The following MRPL3 variants were observed in gnomAD, a reference collection of about 807,000 sequenced individuals.
MRPL3 encodes the protein mitochondrial ribosomal protein L3.
MRPL3 carries 43 observed loss-of-function variants against 44.3 expected under a neutral mutation model. That is an observed-to-expected ratio of 0.97 (90% confidence interval 0.76 to 1.25). The LOEUF (loss-of-function observed/expected upper bound fraction) is 1.25. MRPL3 is among the 50% of genes most tolerant of loss of function. The probability of loss-of-function intolerance (pLI) is 0.00; values close to 1 mark genes in which losing one functional copy is unlikely to be tolerated. For synonymous variants in MRPL3, 171 were observed against 152.3 expected (o/e 1.12, Z -0.91); for missense variants, 406 against 427.6 (o/e 0.95, Z 0.45).
intron 6 of MRPL3, among the ~76,000 whole-genome samples, chr3:131,486,444 A>AAT (rs56680172): frequency 0.036 from 5,083 of 139,392 alleles, 228 homozygotes; most frequent in African/African-American, 0.11. Flanking sequence ...TGGGAGAAAA[A>AAT]TTTTTTTTTT....
At chr3:131,501,468 T>C in intron 2 of MRPL3, 63 bp downstream of exon 2, 2 of 1,296,920 alleles carry the variant, frequency 1.5e-6, no homozygotes, top group East Asian at 4.7e-5. Flanking sequence ...TCACTATGAT[T>C]TTAAATGTGT....
intron 5 of MRPL3, 137 bp from the exon 6 acceptor site, chr3:131,487,877 T>G (rs1934165435): frequency 1.6e-6 from 1 of 631,700 alleles, no homozygotes; most frequent in African/African-American, 1.9e-5. Context: ...ATTAGAAACA[T>G]CCAAACAATG....
rs1483332711 is a variant in MRPL3, at chr3:131,502,740, G to GGCCCAGGGCAGC, written c.70_81dup (p.Ala24_Gly27dup). On this transcript the variant is annotated inframe_insertion, in exon 1 of 10. Transcript: ENST00000264995. ...CTCACACCTTCCTACCTGTTCCCCG[G>GGCCCAGGGCAGC]GCCCAGGGCAGCACCCAGGCCGTCC... is the stretch of plus-strand genomic sequence containing the variant. 1 of 1,609,660 alleles carries GGCCCAGGGCAGC rather than the reference G, an allele frequency of 6.2e-7. No homozygotes were observed. The highest frequency in any genetic ancestry group is 8.5e-7 in the Non-Finnish European group (1 of 1,177,470).
At chr3:131,497,319 C>T (rs1192500010) in intron 4 of MRPL3, among the ~76,000 whole-genome samples, 5 of 152,112 alleles carry the variant, frequency 3.3e-5, no homozygotes, top group African/African-American at 1.2e-4. Flanking sequence ...ATGAAAAAAG[C>T]GTAATGCTTA....
At chr3:131,484,789 C>A (rs546545238) in intron 6 of MRPL3, among the ~76,000 whole-genome samples, 1 of 152,098 alleles carries the variant, frequency 6.6e-6, no homozygotes, top group Non-Finnish European at 1.5e-5. Flanking sequence ...CACCTTACAG[C>A]AATAATAAGA....
intron 6 of MRPL3, among the ~76,000 whole-genome samples, chr3:131,483,960 T>A (rs1023583736): frequency 4.6e-5 from 7 of 152,102 alleles, no homozygotes; most frequent in Non-Finnish European, 1.0e-4. Flanking sequence ...ATTAAGAAAT[T>A]AGGGATTGAG....
At chr3:131,465,432 C>G (rs1933578569) in intron 9 of MRPL3, among the ~76,000 whole-genome samples, 1 of 152,166 alleles carries the variant, frequency 6.6e-6, no homozygotes, top group African/African-American at 2.4e-5. Flanking sequence ...GACCATTCAT[C>G]TCTGCTGGTA....
intron 6 of MRPL3, 116 bp from the exon 7 acceptor site, chr3:131,471,395 A>C: frequency 2.8e-6 from 2 of 712,888 alleles, no homozygotes; most frequent in South Asian, 3.6e-5. Context: ...AAAGCTTCTT[A>C]TTTAAATAAC....
In MRPL3 at chr3:131,471,255, G is replaced by A; in HGVS notation, c.654C>T (p.Val218=). 6.2e-7 allele frequency: 1 copy of A among 1,613,120 alleles called. No homozygotes were observed. The highest frequency in any genetic ancestry group is 2.2e-5 in the East Asian group (1 of 44,870). The part of the protein sequence containing the change: ...AKTIGKGFQG[V]MKRWGFKGQP... ...GGCCTTTAAATCCCCATCTTTTCAT[G>A]ACACCTTGAAAACCTTTACCAATAC... Residue 218 remains valine, a synonymous_variant, in exon 7 of 10, where the codon GTC becomes GTT. Transcript: ENST00000264995.
intron 6 of MRPL3, among the ~76,000 whole-genome samples, chr3:131,479,508 A>G (rs1298116518): frequency 6.6e-6 from 1 of 152,190 alleles, no homozygotes; most frequent in Admixed American, 6.5e-5. Flanking sequence ...TCTAGCTAAA[A>G]TCAACACTGA....
At chr3:131,479,191 G>A (rs766064593) in intron 6 of MRPL3, 3 of 518,858 alleles carry the variant, frequency 5.8e-6, no homozygotes, top group East Asian at 5.4e-5. Context: ...TGTCCCCCCT[G>A]CCTGGACATG....
At chr3:131,467,687 C>T (rs1933642973) in intron 9 of MRPL3, among the ~76,000 whole-genome samples, 1 of 152,088 alleles carries the variant, frequency 6.6e-6, no homozygotes, top group Admixed American at 6.6e-5. Context: ...CTGAGGCCTC[C>T]CTAGCCATGC....
intron 5 of MRPL3, chr3:131,488,876 T>C (rs1370884048): frequency 1.3e-5 from 2 of 152,134 alleles, no homozygotes; most frequent in East Asian, 3.9e-4. Flanking sequence ...CTGTATCCCA[T>C]AAATGTATAT....
At position 131,478,478 on chromosome 3, in the gene MRPL3, A is replaced by C. The variant is rs1437702726; in HGVS notation, c.630-7199T>G. Among the ~76,000 whole-genome samples, 3 of 152,154 alleles carry C rather than the reference A, an allele frequency of 2.0e-5. No individual in the cohort carries two copies. The East Asian group carries it at 5.8e-4, about 29-fold the overall frequency. ...TCCCTAGTAATATTTTTAGCTTAGA[A>C]TATATAAGGTTTTTTATAACTGGAT... On this transcript the variant is annotated intron_variant, in intron 6 of 9. Transcript: ENST00000264995.
chr3:131,470,859 T>C (rs1933726793), intron 7 of MRPL3, among the ~76,000 whole-genome samples: 1 of 152,184 alleles, frequency 6.6e-6, no homozygotes, highest in African/African-American at 2.4e-5. Context: ...GAAAATTATT[T>C]CAGAATTGTT....
At chr3:131,468,045 GAAACA>G (rs1933658083) in intron 9 of MRPL3, 41 bp downstream of exon 9, 2 of 909,484 alleles carry the variant, frequency 2.2e-6, no homozygotes, top group Admixed American at 3.7e-5. Flanking sequence ...TTGCGAGTAA[GAAACA>G]AAAAAAAAAA....
chr3:131,486,655 G>A (rs1388615064), intron 6 of MRPL3, among the ~76,000 whole-genome samples: 1 of 152,016 alleles, frequency 6.6e-6, no homozygotes, highest in East Asian at 1.9e-4. Flanking sequence ...CAAAGGATAT[G>A]AACAGACACT....
intron 6 of MRPL3, among the ~76,000 whole-genome samples, chr3:131,482,701 T>C (rs1934018648): frequency 6.6e-6 from 1 of 152,058 alleles, no homozygotes; most frequent in African/African-American, 2.4e-5. Context: ...TTATCCTTCT[T>C]TCAGAAAGAA....
intron 6 of MRPL3, among the ~76,000 whole-genome samples, chr3:131,483,175 A>G (rs1934032931): frequency 6.6e-6 from 1 of 152,038 alleles, no homozygotes; most frequent in African/African-American, 2.4e-5. Context: ...ACTCTAAACC[A>G]TCATCTATTC....
Sources: allele counts gnomAD v4.1 joint callset (sites outside exome capture counted in the v4.1 genomes callset), GRCh38; gene constraint gnomAD v4.1.1; transcripts MANE v1.5; gene names NCBI Gene and HGNC (gene_info 2026-07-23, HGNC 2026-07-21).